Variants in MGST1 observed in about 807,000 individuals in gnomAD.
MGST1 encodes the protein glutathione S-transferase 12.
Under a neutral mutation model 8.9 loss-of-function variants are expected in MGST1, and 5 were observed. That is an observed-to-expected ratio of 0.56 (90% CI 0.29 to 1.19). MGST1 has a LOEUF of 1.19. Ranked by LOEUF, MGST1 falls within the 50% of genes most tolerant of loss-of-function variation. The probability of loss-of-function intolerance (pLI) is 0.08; values close to 1 mark genes in which losing one functional copy is unlikely to be tolerated. For synonymous variants in MGST1, 54 were observed against 67.8 expected, an observed-to-expected ratio of 0.80 and a Z score of 1.00; for missense variants, 182 against 187.4, an observed-to-expected ratio of 0.97 and a Z score of 0.17.
At position 16,571,647 on chromosome 12, in the gene MGST1, T is replaced by C. The variant is rs191622691; in HGVS notation, n.483-17881T>C. ...AACCCTAGTAATAGCCAAAGAGCAA[T>C]GAGAACTCAAAGGTTTCACAATTTC... On this transcript the variant is annotated intron_variant and non_coding_transcript_variant, in intron 4 of 4. Coordinates refer to the MGST1 transcript ENST00000538857. Among the ~76,000 whole-genome samples, 12 of 152,126 alleles carry C rather than the reference T, an allele frequency of 7.9e-5. No individual in the cohort carries two copies. The East Asian group carries it at 2.3e-3, about 29-fold the overall frequency.
At chr12:16,372,419 A>T (rs916191074) in intron 3 of MGST1, among the ~76,000 whole-genome samples, 1 of 152,118 alleles carries the variant, frequency 6.6e-6, no homozygotes, top group Non-Finnish European at 1.5e-5. Context: ...CAACTAGTAT[A>T]TGAAAAAACA....
At chr12:16,536,348 T>C (rs1941757022) in intron 4 of MGST1, among the ~76,000 whole-genome samples, 1 of 152,148 alleles carries the variant, frequency 6.6e-6, no homozygotes, top group South Asian at 2.1e-4. Flanking sequence ...ACTACGTGGA[T>C]AAATGAAATC....
At chr12:16,561,636 T>C (rs1942408929) in intron 4 of MGST1, among the ~76,000 whole-genome samples, 1 of 152,252 alleles carries the variant, frequency 6.6e-6, no homozygotes, top group Non-Finnish European at 1.5e-5. Context: ...ACAAATGTGC[T>C]GAAGTCTCTC....
chr12:16,392,101 T>C (rs958387261), intron 1 of MGST1, among the ~76,000 whole-genome samples: 4 of 152,214 alleles, frequency 2.6e-5, no homozygotes, highest in Admixed American at 6.5e-5. Flanking sequence ...CATTGGTCTA[T>C]GTGTCTCTTT....
In MGST1 at chr12:16,423,320, C is replaced by T. The variant is rs528942675; in HGVS notation, n.779-14068C>T. Among the ~76,000 whole-genome samples the T allele has an allele frequency of 2.6e-4, 39 of 152,234 alleles. No individual in the cohort carries two copies. The East Asian group carries it at 6.6e-3, about 26-fold the overall frequency. On this transcript the variant is annotated intron_variant and non_coding_transcript_variant, in intron 1 of 1. Transcript: ENST00000359720. ...CAATCCTGTAATTTTCTAGGTGTTT[C>T]TATTTTCTCAGTGTATAAGATTAGA...
At chr12:16,357,255 G>A (rs1179062461) in intron 2 of MGST1, among the ~76,000 whole-genome samples, 2 of 151,916 alleles carry the variant, frequency 1.3e-5, no homozygotes. Context: ...GTTATTTCTT[G>A]GTTTGTTTGT....
At chr12:16,541,085 A>C (rs113211339) in intron 4 of MGST1, among the ~76,000 whole-genome samples, 3 of 152,232 alleles carry the variant, frequency 2.0e-5, no homozygotes, top group Admixed American at 6.5e-5. Context: ...TTCTTCATGT[A>C]ATATTTTAAA....
chr12:16,350,453 C>T (rs925993406), intron 1 of MGST1, among the ~76,000 whole-genome samples: 1 of 152,184 alleles, frequency 6.6e-6, no homozygotes, highest in African/African-American at 2.4e-5. Context: ...ATTTCTCCTT[C>T]ATTCCTTGAA....
chr12:16,360,113 G>A (rs10846334), intron 3 of MGST1, among the ~76,000 whole-genome samples: 150,803 of 152,290 alleles, frequency 0.99, 74,687 homozygotes, highest in South Asian at 1. Context: ...TCCGCATACT[G>A]AGAGAAGAGC....
intron 1 of MGST1, among the ~76,000 whole-genome samples, chr12:16,419,459 C>G (rs1021021554): frequency 6.6e-6 from 1 of 151,994 alleles, no homozygotes; most frequent in Non-Finnish European, 1.5e-5. Context: ...TTATTATTTC[C>G]TAGAGAGATT....
intron 1 of MGST1, among the ~76,000 whole-genome samples, chr12:16,435,393 G>A (rs550854965): frequency 6.6e-6 from 1 of 151,840 alleles, no homozygotes; most frequent in Non-Finnish European, 1.5e-5. Flanking sequence ...ACGATTCCAG[G>A]AAAATATGCC....
At chr12:16,480,179 A>G (rs1353095655) in intron 4 of MGST1, among the ~76,000 whole-genome samples, 10 of 142,396 alleles carry the variant, frequency 7.0e-5, no homozygotes, top group Admixed American at 3.0e-4. Flanking sequence ...GTCTCACCCT[A>G]TCACCCAGGC....
At position 16,586,758 on chromosome 12, in the gene MGST1, T is replaced by C. The variant is rs1565503899; in HGVS notation, n.483-2770T>C. On this transcript the variant is annotated intron_variant and non_coding_transcript_variant, in intron 4 of 4. Transcript: ENST00000538857. The surrounding 1 kb of genome is among the most constrained non-coding windows in gnomAD (Gnocchi z 4.3). ...TTCTCTGGTACTTGAGCTAAGCTCC[T>C]GTGGCTCAGATTATTTATTGCATTA... Among the ~76,000 whole-genome samples the C allele has an allele frequency of 6.6e-6, 1 of 152,204 alleles. No individual in the cohort carries two copies. The highest frequency in any genetic ancestry group is 1.5e-5 in the Non-Finnish European group (1 of 68,032).
chr12:16,392,204 T>A (rs1260837269), intron 1 of MGST1, among the ~76,000 whole-genome samples: 1 of 152,184 alleles, frequency 6.6e-6, no homozygotes, highest in Admixed American at 6.5e-5. Context: ...AGAGCAATAT[T>A]TTTACTTGTC....
intron 4 of MGST1, among the ~76,000 whole-genome samples, chr12:16,522,534 A>T (rs190929029): frequency 6.4e-4 from 98 of 152,054 alleles, no homozygotes; most frequent in Non-Finnish European, 1.2e-3. Flanking sequence ...TAGGGAAATC[A>T]TTACTTGCCA....
chr12:16,479,129 T>C (rs763777140), intron 4 of MGST1, among the ~76,000 whole-genome samples: 1 of 152,002 alleles, frequency 6.6e-6, no homozygotes. Context: ...GGAGTATGTA[T>C]CTACTATACA....
chr12:16,466,024 C>T (rs570252240), intron 4 of MGST1, among the ~76,000 whole-genome samples: 8 of 152,234 alleles, frequency 5.3e-5, no homozygotes, highest in African/African-American at 9.6e-5. Context: ...AGACTGTTTA[C>T]GCTTATCTGG....
At chr12:16,529,874 A>G (rs552932086) in intron 4 of MGST1, among the ~76,000 whole-genome samples, 3 of 152,206 alleles carry the variant, frequency 2.0e-5, no homozygotes, top group African/African-American at 7.2e-5. Flanking sequence ...ATTTTCTCCA[A>G]ACTGCTTTGA....
chr12:16,381,989 A>G (rs1012893793), downstream of MGST1, among the ~76,000 whole-genome samples: 1 of 152,072 alleles, frequency 6.6e-6, no homozygotes, highest in Non-Finnish European at 1.5e-5. Context: ...CAGCTCCATC[A>G]GGTCCTTTAA....
Sources: allele counts gnomAD v4.1 joint callset (sites outside exome capture counted in the v4.1 genomes callset), GRCh38; gene constraint gnomAD v4.1.1; non-coding constraint Gnocchi (gnomAD v3.1); transcripts MANE v1.5; gene names NCBI Gene and HGNC (gene_info 2026-07-23, HGNC 2026-07-21).